The following LRRTM4 variants were observed in gnomAD, a reference collection of about 807,000 sequenced individuals.
LRRTM4 encodes leucine-rich repeat transmembrane neuronal protein 4.
LRRTM4 carries 25 observed loss-of-function variants against 47.6 expected under a neutral mutation model. The ratio of observed to expected loss-of-function variants is 0.53; its 90% CI spans 0.38 to 0.73. The LOEUF is 0.73. Ranked by LOEUF, LRRTM4 falls within the 30% of genes least tolerant of loss-of-function variation. LRRTM4 has a pLI of 0.00. For synonymous variants in LRRTM4, 311 were observed against 269.5 expected, an observed-to-expected ratio of 1.15 and a Z score of -1.51; for missense variants, 638 against 713.4, an observed-to-expected ratio of 0.89 and a Z score of 1.20.
chr2:77,395,332 T>C (rs1278883987), intron 3 of LRRTM4, among the ~76,000 whole-genome samples: 2 of 151,956 alleles, frequency 1.3e-5, no homozygotes, highest in African/African-American at 2.4e-5. Context: ...AATTTTAGTC[T>C]TACTTCATGT....
chr2:77,052,600 A>C (rs1032264439), intron 3 of LRRTM4, among the ~76,000 whole-genome samples: 2 of 152,112 alleles, frequency 1.3e-5, no homozygotes, highest in Non-Finnish European at 2.9e-5. Context: ...ATCTGAAGGA[A>C]GAAGTCATAC....
chr2:76,905,012 A>C (rs1033970635), intron 3 of LRRTM4, among the ~76,000 whole-genome samples: 5 of 152,108 alleles, frequency 3.3e-5, no homozygotes, highest in Admixed American at 2.0e-4. Context: ...CCCAGAACGC[A>C]GCTGGAGATC....
intron 3 of LRRTM4, among the ~76,000 whole-genome samples, chr2:77,378,705 G>A (rs1311535219): frequency 1.3e-5 from 2 of 152,116 alleles, no homozygotes; most frequent in African/African-American, 2.4e-5. Flanking sequence ...GGCTTACTGG[G>A]TACACATGGG....
rs1161267658 is a variant in LRRTM4, at chr2:77,519,576, C to CTAAT, written c.289_292dup (p.Ser98AsnfsTer2). On this transcript the variant is annotated stop_gained and frameshift_variant, in exon 3 of 4. Transcript: ENST00000409884. LOFTEE classifies it high-confidence loss of function. This position sits in a 1 kb window ranked among gnomAD's most constrained non-coding sequence, Gnocchi z 4.6. ...TTGAAATGCATCTTCATCCACTGAG[C>CTAAT]TAATGTAATTATGGTCAAGATAAAG... is the stretch of plus-strand genomic sequence containing the variant. The CTAAT allele has an allele frequency of 6.2e-7, 1 of 1,613,418 alleles. No homozygotes were observed.
intron 3 of LRRTM4, among the ~76,000 whole-genome samples, chr2:76,930,866 CT>C (rs1319035730): frequency 6.6e-6 from 1 of 152,134 alleles, no homozygotes; most frequent in Admixed American, 6.6e-5. Context: ...TTATGAAGCA[CT>C]GTTTACAAAT....
At chr2:77,358,548 T>C (rs973235174) in intron 3 of LRRTM4, among the ~76,000 whole-genome samples, 1 of 152,212 alleles carries the variant, frequency 6.6e-6, no homozygotes, top group African/African-American at 2.4e-5. Context: ...GGACAAATAT[T>C]TGAACCATAG....
At chr2:77,330,398 C>A (rs1024244768) in intron 3 of LRRTM4, among the ~76,000 whole-genome samples, 1 of 152,018 alleles carries the variant, frequency 6.6e-6, no homozygotes, top group Non-Finnish European at 1.5e-5. Context: ...GTGCTGATTG[C>A]AATCAAAAGA....
At chr2:77,215,952 A>G (rs1362950112) in intron 3 of LRRTM4, among the ~76,000 whole-genome samples, 1 of 152,148 alleles carries the variant, frequency 6.6e-6, no homozygotes, top group Non-Finnish European at 1.5e-5. Context: ...GGTCAGTAAG[A>G]GCTGCCTCCT....
chr2:77,323,456 T>C (rs767205406), intron 3 of LRRTM4, among the ~76,000 whole-genome samples: 4 of 152,154 alleles, frequency 2.6e-5, no homozygotes, highest in African/African-American at 4.8e-5. Context: ...TTTGAACTTT[T>C]CTGTTGGGTA....
intron 3 of LRRTM4, among the ~76,000 whole-genome samples, chr2:76,789,415 C>A (rs1674850466): frequency 6.6e-6 from 1 of 152,188 alleles, no homozygotes; most frequent in African/African-American, 2.4e-5. Context: ...CCAAAACAAT[C>A]AACTTCAAAG....
chr2:77,417,436 T>G (rs1223054844), intron 3 of LRRTM4, among the ~76,000 whole-genome samples: 1 of 152,126 alleles, frequency 6.6e-6, no homozygotes, highest in Non-Finnish European at 1.5e-5. Context: ...TAAAGACACA[T>G]GCACACGTAT....
At chr2:77,085,115 G>A (rs368152166) in intron 3 of LRRTM4, among the ~76,000 whole-genome samples, 1 of 152,062 alleles carries the variant, frequency 6.6e-6, no homozygotes, top group Admixed American at 6.5e-5. Flanking sequence ...ATTTTTATGT[G>A]TTAAATGGGC....
chr2:76,826,634 A>T (rs943752294), intron 3 of LRRTM4, among the ~76,000 whole-genome samples: 1 of 151,830 alleles, frequency 6.6e-6, no homozygotes, highest in African/African-American at 2.4e-5. Flanking sequence ...TAAATGAACG[A>T]CATTAAGCTA....
At chr2:76,934,425 A>G (rs1046617923) in intron 3 of LRRTM4, among the ~76,000 whole-genome samples, 18 of 152,138 alleles carry the variant, frequency 1.2e-4, no homozygotes, top group African/African-American at 4.3e-4. Context: ...AACAACTAAA[A>G]TTTTGCAATT....
chr2:76,947,097 TG>T (rs1558755856), intron 3 of LRRTM4, among the ~76,000 whole-genome samples: 1 of 151,744 alleles, frequency 6.6e-6, no homozygotes, highest in African/African-American at 2.4e-5. Context: ...TAGATTTGAA[TG>T]GGAAAAAAAT....
chr2:76,908,372 C>G (rs1428004461), intron 3 of LRRTM4, among the ~76,000 whole-genome samples: 1 of 151,786 alleles, frequency 6.6e-6, no homozygotes, highest in Non-Finnish European at 1.5e-5. Context: ...TATGACAAAC[C>G]CACAGCCAAT....
chr2:76,942,491 A>ATTTTT (rs59455803), intron 3 of LRRTM4, among the ~76,000 whole-genome samples: 9,583 of 142,414 alleles, frequency 0.067, 441 homozygotes, highest in Admixed American at 0.12. Context: ...CTGTGCTAAC[A>ATTTTT]TTTTTTTTTT....
intron 3 of LRRTM4, among the ~76,000 whole-genome samples, chr2:76,988,313 G>A (rs1258936508): frequency 6.6e-6 from 1 of 151,770 alleles, no homozygotes; most frequent in Admixed American, 6.6e-5. Context: ...TCCTTTACAT[G>A]TCCGTGGTAG....
chr2:77,212,468 T>G (rs564669048), intron 3 of LRRTM4, among the ~76,000 whole-genome samples: 33 of 146,780 alleles, frequency 2.2e-4, no homozygotes, highest in African/African-American at 5.7e-4. Flanking sequence ...TATATATATA[T>G]ATATATAGAG....
Sources: gnomAD v4.1 joint callset for allele counts (sites outside exome capture counted in the v4.1 genomes callset) on GRCh38, gnomAD v4.1.1 for gene constraint, Gnocchi (gnomAD v3.1) non-coding constraint, MANE v1.5 for transcripts, NCBI Gene and HGNC (gene_info 2026-07-23, HGNC 2026-07-21) for gene names.